The following INTS4 variants were observed in gnomAD, a reference collection of about 807,000 sequenced individuals.
The protein encoded by INTS4 is integrator complex subunit 4, also known as MSTP093.
Under a neutral mutation model 119.5 loss-of-function variants are expected in INTS4, and 70 were observed. The observed-to-expected ratio is 0.59, with a 90% confidence interval of 0.48 to 0.71. The LOEUF (loss-of-function observed/expected upper bound fraction) is 0.71, where lower values mean the gene tolerates loss of function less well. Ranked by LOEUF, INTS4 falls within the 30% of genes least tolerant of loss-of-function variation. INTS4 has a pLI of 0.00. For synonymous variants in INTS4, 316 were observed against 419.6 expected, an observed-to-expected ratio of 0.75 and a Z score of 3.02; for missense variants, 867 against 1,173.2, an observed-to-expected ratio of 0.74 and a Z score of 3.81.
At chr11:77,923,240 C>T (rs879329606) in intron 12 of INTS4, among the ~76,000 whole-genome samples, 49 of 149,664 alleles carry the variant, frequency 3.3e-4, no homozygotes, top group Non-Finnish European at 6.5e-4. Flanking sequence ...ATCACTTGAA[C>T]CTGGAAGGCG....
intron 15 of INTS4, 94 bp from the exon 16 acceptor site, chr11:77,907,904 A>T (rs1478947787): frequency 1.3e-6 from 1 of 758,442 alleles, no homozygotes; most frequent in African/African-American, 1.8e-5. Context: ...TTTTATACCT[A>T]GTAAACAGTC....
intron 11 of INTS4, among the ~76,000 whole-genome samples, chr11:77,925,323 C>A (rs951144076): frequency 6.6e-6 from 1 of 152,158 alleles, no homozygotes; most frequent in Non-Finnish European, 1.5e-5. Flanking sequence ...TCAAAGATCA[C>A]TGATCACAGA....
At chr11:77,963,376 A>AC (rs1855341393) in intron 4 of INTS4, 1 of 354,506 alleles carries the variant, frequency 2.8e-6, no homozygotes, top group Non-Finnish European at 5.3e-6. Flanking sequence ...AAAAAAAAAC[A>AC]AAAAAAACTG....
At chr11:77,875,266 A>G (rs140897142), downstream of INTS4, among the ~76,000 whole-genome samples, 1 of 152,336 alleles carries the variant, frequency 6.6e-6, no homozygotes, top group Non-Finnish European at 1.5e-5. Context: ...GGCATACAGC[A>G]CAGACATTCT....
At chr11:77,962,255 C>T (rs1436031758) in intron 4 of INTS4, among the ~76,000 whole-genome samples, 1 of 151,950 alleles carries the variant, frequency 6.6e-6, no homozygotes, top group East Asian at 1.9e-4. Flanking sequence ...TGCACTCCAA[C>T]CTGGATGACA....
rs1952999144 is a variant in INTS4 at position 77,907,903 on chromosome 11, T to C, written c.1923-93A>G. Reference sequence around the variant, plus strand: ...CAAAAGCATTTTATCATTTTATACCTAGTAAACAGTCATACATTTTTAAAT... The same window carrying C: ...CAAAAGCATTTTATCATTTTATACCCAGTAAACAGTCATACATTTTTAAAT... On this transcript the variant is annotated intron_variant, in intron 15 of 22. Transcript: ENST00000534064. 42 of 756,130 alleles carry C rather than the reference T, an allele frequency of 5.6e-5. 2 individuals are homozygous for C. The South Asian group carries it at 7.2e-4, about 13-fold the overall frequency. 46.8% of individuals were successfully genotyped at this position (756,130 alleles called of 1,614,324 possible).
At chr11:77,913,601 G>GT (rs1213996617) in intron 15 of INTS4, among the ~76,000 whole-genome samples, 2 of 152,160 alleles carry the variant, frequency 1.3e-5, no homozygotes, top group African/African-American at 4.8e-5. Context: ...ATGAGCCACT[G>GT]TGCCCAGCCA....
At chr11:77,928,272 A>G in intron 11 of INTS4, 70 bp downstream of exon 11, 2 of 1,527,332 alleles carry the variant, frequency 1.3e-6, no homozygotes, top group Non-Finnish European at 1.8e-6. Context: ...ACCAATGCCT[A>G]GCACAATACC....
At chr11:77,968,085 AT>A (rs1855571186) in intron 4 of INTS4, among the ~76,000 whole-genome samples, 1 of 152,178 alleles carries the variant, frequency 6.6e-6, no homozygotes, top group South Asian at 2.1e-4. Context: ...AATGGTAAGT[AT>A]TTGTGTATCT....
chr11:77,891,450 A>C lies in INTS4; in HGVS notation c.2461T>G (p.Ser821Ala). 1 of 1,613,806 alleles carries C rather than the reference A, an allele frequency of 6.2e-7. No homozygotes were observed. The highest frequency in any genetic ancestry group is 8.5e-7 in the Non-Finnish European group (1 of 1,179,816). The change falls in exon 21 of 23, where the codon TCA becomes GCA. Residue 821 changes from serine (S) to alanine (A), a missense_variant. By Grantham distance (99) the Ser-to-Ala change is moderately conservative (BLOSUM62 1). This residue lies in a region of INTS4 where 262 missense variants were observed against 376.0 expected (regional missense o/e 0.70). Transcript: ENST00000534064. ...LPLPEQIHKASATIIEPAGES... is the reference protein window; with the variant it reads ...LPLPEQIHKAAATIIEPAGES... ...CCCGCTGGCTCGATGATGGTGGCTG[A>C]GGCTTTGTGGATCTGTAAGCAAGAG... is the stretch of plus-strand genomic sequence containing the variant.
intron 2 of INTS4, among the ~76,000 whole-genome samples, chr11:77,989,011 T>C (rs1856560933): frequency 6.6e-6 from 1 of 152,146 alleles, no homozygotes; most frequent in African/African-American, 2.4e-5. Context: ...CAACTAATTC[T>C]TAGATGACAT....
chr11:77,914,621 T>C (rs1209650154), intron 15 of INTS4, among the ~76,000 whole-genome samples: 1 of 152,172 alleles, frequency 6.6e-6, no homozygotes, highest in African/African-American at 2.4e-5. Flanking sequence ...GTAAATATGT[T>C]AGCTTTTACA....
At position 77,920,154 on chromosome 11, in the gene INTS4, T is replaced by TATATATACACATATATATACATATAC. The variant is rs1953304707; in HGVS notation, c.1765-1177_1765-1176insGTATATGTATATATATGTGTATATAT. On this transcript the variant is annotated intron_variant, in intron 14 of 22. Coordinates refer to ENST00000534064, the MANE Select transcript of INTS4 (RefSeq NM_033547.4). ...AGTTTAAATTTTCTAACCATATATA[T>TATATATACACATATATATACATATAC]ATATACACATATATATACATATACA... Among the ~76,000 whole-genome samples the TATATATACACATATATATACATATAC allele has an allele frequency of 4.1e-5, 5 of 123,356 alleles. No individual in the cohort carries two copies. The South Asian group carries it at 7.5e-4, about 19-fold the overall frequency. 80.9% of individuals were successfully genotyped at this position (123,356 alleles called of 152,430 possible).
intron 8 of INTS4, among the ~76,000 whole-genome samples, chr11:77,947,160 G>A (rs1229647519): frequency 6.6e-6 from 1 of 151,614 alleles, no homozygotes; most frequent in Non-Finnish European, 1.5e-5. Context: ...GAACATATGG[G>A]ACATCAACAG....
At chr11:77,913,294 C>T (rs1953128655) in intron 15 of INTS4, among the ~76,000 whole-genome samples, 1 of 151,064 alleles carries the variant, frequency 6.6e-6, no homozygotes, top group Admixed American at 6.7e-5. Context: ...GTTAAATAAG[C>T]CAGTTAGTTT....
Position 77,990,686 on chromosome 11 carries a change from CA to C in INTS4, c.246+421del, listed in dbSNP as rs781257703. Among the ~76,000 whole-genome samples the C allele has an allele frequency of 9.6e-3, 945 of 98,458 alleles. 4 individuals are homozygous for C. The highest frequency in any genetic ancestry group is 0.022 in the Middle Eastern group (4 of 182). 64.6% of individuals were successfully genotyped at this position (98,458 alleles called of 152,430 possible). The stretch of plus-strand genomic sequence containing the variant: ...GGGCAACAGAGCGAGACTCTGTCTC[CA>C]AAAAAAAAAAAAAAAAAATGTATTT... On this transcript the variant is annotated intron_variant, in intron 2 of 22. Transcript: ENST00000534064.
intron 8 of INTS4, among the ~76,000 whole-genome samples, chr11:77,950,978 A>AT (rs1181307491): frequency 1.4e-5 from 2 of 146,880 alleles, no homozygotes; most frequent in East Asian, 4.1e-4. Flanking sequence ...CGGTGTTTGG[A>AT]TTTTTTGTCC....
intron 15 of INTS4, among the ~76,000 whole-genome samples, chr11:77,917,856 G>C (rs1377525793): frequency 6.6e-6 from 1 of 151,740 alleles, no homozygotes; most frequent in Non-Finnish European, 1.5e-5. Context: ...CTGAGTATTA[G>C]AGTCATCGCA....
chr11:77,898,063 T>G (rs1487631602), intron 18 of INTS4, among the ~76,000 whole-genome samples: 5 of 152,104 alleles, frequency 3.3e-5, no homozygotes, highest in Non-Finnish European at 7.4e-5. Context: ...GCGATCCTCC[T>G]GCTTTGGCCT....
Sources: allele counts gnomAD v4.1 joint callset (sites outside exome capture counted in the v4.1 genomes callset), GRCh38; gene constraint gnomAD v4.1.1; regional missense constraint gnomAD v4.1.1; transcripts MANE v1.5; gene names NCBI Gene and HGNC (gene_info 2026-07-23, HGNC 2026-07-21).